The following SORBS2 variants were observed in gnomAD, a reference collection of about 807,000 sequenced individuals.
SORBS2 encodes sorbin and SH3 domain-containing protein 2.
In SORBS2, 46 loss-of-function variants were observed where a neutral mutation model predicts 97.7. That is an observed-to-expected ratio of 0.47 (90% CI 0.37 to 0.60). The LOEUF (loss-of-function observed/expected upper bound fraction) is 0.60, where lower values mean the gene tolerates loss of function less well. SORBS2 is among the 20% of genes least tolerant of loss of function. The pLI, the probability that SORBS2 is intolerant of heterozygous loss-of-function variation, is 0.00. For missense variants in SORBS2, 1,316 were observed against 1,282.3 expected, an observed-to-expected ratio of 1.03 and a Z score of -0.40; for synonymous variants, 476 against 473.4, an observed-to-expected ratio of 1.01 and a Z score of -0.07.
intron 2 of SORBS2, among the ~76,000 whole-genome samples, chr4:185,768,705 AAAAAAACAAAAAAAC>A (rs919327427): frequency 9.7e-6 from 1 of 102,750 alleles, no homozygotes; most frequent in Non-Finnish European, 2.0e-5. Flanking sequence ...TCTCAAAAAA[AAAAAAACAAAAAAAC>A]AAAAAAAAAT....
intron 1 of SORBS2, among the ~76,000 whole-genome samples, chr4:185,936,149 G>A (rs989377639): frequency 2.6e-5 from 4 of 152,338 alleles, no homozygotes; most frequent in Middle Eastern, 3.4e-3. Flanking sequence ...GTGAGCCATT[G>A]CACCTGGCCA....
intron 1 of SORBS2, among the ~76,000 whole-genome samples, chr4:185,947,667 A>G (rs2099275179): frequency 6.6e-6 from 1 of 151,972 alleles, no homozygotes; most frequent in African/African-American, 2.4e-5. Context: ...GCTGGAGTGC[A>G]ATGGTGTGGT....
At chr4:185,759,838 A>C (rs770581647) in intron 2 of SORBS2, among the ~76,000 whole-genome samples, 9 of 152,184 alleles carry the variant, frequency 5.9e-5, no homozygotes, top group Non-Finnish European at 1.3e-4. Context: ...TGTTACTAAT[A>C]TAGTCATTAT....
intron 1 of SORBS2, among the ~76,000 whole-genome samples, chr4:185,792,220 C>T (rs1179860821): frequency 4.6e-5 from 7 of 152,104 alleles, no homozygotes; most frequent in South Asian, 2.1e-4. Context: ...TATGGGACGG[C>T]GTGGTGGCTT....
chr4:185,633,207 T>C (rs1404923202), intron 4 of SORBS2, among the ~76,000 whole-genome samples: 1 of 152,220 alleles, frequency 6.6e-6, no homozygotes, highest in Non-Finnish European at 1.5e-5. Context: ...TTATTCATGG[T>C]ATATACCAGG....
chr4:185,665,168 C>A (rs1267084081), intron 4 of SORBS2, among the ~76,000 whole-genome samples: 1 of 152,106 alleles, frequency 6.6e-6, no homozygotes, highest in East Asian at 1.9e-4. Context: ...AATCGTACAG[C>A]TAAATTTCTG....
chr4:185,854,512 T>C (rs548633823), intron 1 of SORBS2, among the ~76,000 whole-genome samples: 5 of 152,324 alleles, frequency 3.3e-5, no homozygotes, highest in African/African-American at 1.2e-4. Flanking sequence ...ATTCTTAGCA[T>C]TGAATACTGT....
intron 2 of SORBS2, among the ~76,000 whole-genome samples, chr4:185,711,551 C>T (rs1162676442): frequency 6.6e-6 from 1 of 152,164 alleles, no homozygotes; most frequent in African/African-American, 2.4e-5. Flanking sequence ...GTAAGTGAAG[C>T]TAATCTTTGG....
At chr4:185,854,113 T>C (rs888109653) in intron 1 of SORBS2, among the ~76,000 whole-genome samples, 13 of 152,148 alleles carry the variant, frequency 8.5e-5, no homozygotes, top group East Asian at 7.7e-4. Flanking sequence ...AGGGGAGTGG[T>C]TGAGGAAGTC....
intron 12 of SORBS2, among the ~76,000 whole-genome samples, chr4:185,611,503 C>T (rs969209695): frequency 8.6e-5 from 13 of 151,896 alleles, no homozygotes; most frequent in African/African-American, 2.4e-4. Context: ...ATATATCATA[C>T]GAGACTTCAT....
At chr4:185,790,737 C>G (rs2099076354) in intron 1 of SORBS2, among the ~76,000 whole-genome samples, 2 of 152,222 alleles carry the variant, frequency 1.3e-5, no homozygotes, top group African/African-American at 4.8e-5. Context: ...CATCTCTCAT[C>G]TCACAGACAA....
chr4:185,621,764 A>T (rs551449038), intron 7 of SORBS2, among the ~76,000 whole-genome samples: 3 of 152,226 alleles, frequency 2.0e-5, no homozygotes, highest in African/African-American at 7.2e-5. Context: ...GTCTGAGATT[A>T]TATTTTATAC....
intron 1 of SORBS2, among the ~76,000 whole-genome samples, chr4:185,815,655 A>G (rs2099192875): frequency 6.6e-6 from 1 of 151,918 alleles, no homozygotes; most frequent in Non-Finnish European, 1.5e-5. Flanking sequence ...ACGCACACAC[A>G]TATATATGGA....
chr4:185,795,571 A>G (rs2099101136), intron 1 of SORBS2, among the ~76,000 whole-genome samples: 1 of 152,222 alleles, frequency 6.6e-6, no homozygotes, highest in South Asian at 2.1e-4. Flanking sequence ...TGCGAAAAAA[A>G]AGAATGTCAA....
intron 4 of SORBS2, among the ~76,000 whole-genome samples, chr4:185,668,996 T>C (rs952314147): frequency 6.6e-6 from 1 of 152,228 alleles, no homozygotes; most frequent in Non-Finnish European, 1.5e-5. Context: ...ATATGCTTCA[T>C]ATACCAAGAG....
intron 2 of SORBS2, among the ~76,000 whole-genome samples, chr4:185,735,275 G>A (rs1289760554): frequency 6.6e-6 from 1 of 152,048 alleles, no homozygotes; most frequent in Non-Finnish European, 1.5e-5. Context: ...ACGGTGAAAA[G>A]CAAGGCATGT....
At chr4:185,955,015 A>G (rs1020569273) in intron 1 of SORBS2, among the ~76,000 whole-genome samples, 4 of 152,200 alleles carry the variant, frequency 2.6e-5, no homozygotes, top group Non-Finnish European at 5.9e-5. Flanking sequence ...ACTATAATCA[A>G]TGCCTTAATA....
At chr4:185,757,602 AAG>A (rs2098838846) in intron 2 of SORBS2, among the ~76,000 whole-genome samples, 1 of 152,192 alleles carries the variant, frequency 6.6e-6, no homozygotes, top group African/African-American at 2.4e-5. Flanking sequence ...ATTCCATTTT[AAG>A]AGTTATTCCA....
intron 5 of SORBS2, among the ~76,000 whole-genome samples, chr4:185,627,565 G>GA (rs2096837069): frequency 6.6e-6 from 1 of 152,104 alleles, no homozygotes; most frequent in South Asian, 2.1e-4. Context: ...ATAATGACTG[G>GA]AAAGTGTAGA....
Sources: allele counts gnomAD v4.1 joint callset (sites outside exome capture counted in the v4.1 genomes callset), GRCh38; gene constraint gnomAD v4.1.1; transcripts MANE v1.5; gene names NCBI Gene and HGNC (gene_info 2026-07-23, HGNC 2026-07-21).